The following ATXN1 variants were observed in gnomAD, a reference collection of about 807,000 sequenced individuals.
ATXN1 encodes ataxin-1.
A neutral mutation model predicts 56.4 loss-of-function variants in ATXN1; 8 were observed. The observed-to-expected ratio is 0.14, with a 90% CI of 0.08 to 0.26. The LOEUF (loss-of-function observed/expected upper bound fraction) is 0.26. Among genes scored for constraint, ATXN1 ranks in the 10% least tolerant of loss-of-function variants. The probability of loss-of-function intolerance (pLI) is 1.00; values close to 1 mark genes in which losing one functional copy is unlikely to be tolerated. For missense variants in ATXN1, 987 were observed against 1,106.5 expected (o/e 0.89, Z 1.53); for synonymous variants, 514 against 494.6 (o/e 1.04, Z -0.52).
chr6:16,558,832 C>T (rs1561754474), intron 4 of ATXN1, among the ~76,000 whole-genome samples: 1 of 151,536 alleles, frequency 6.6e-6, no homozygotes, highest in Non-Finnish European at 1.5e-5. Flanking sequence ...ATGAAGAAAA[C>T]ATAAAGTCAA....
At chr6:16,387,940 C>A (rs564935505) in intron 6 of ATXN1, among the ~76,000 whole-genome samples, 6 of 152,108 alleles carry the variant, frequency 3.9e-5, no homozygotes. Context: ...TTAAAACTCC[C>A]AATTGCATAA....
intron 3 of ATXN1, among the ~76,000 whole-genome samples, chr6:16,620,487 A>C (rs1322296793): frequency 6.6e-6 from 1 of 152,192 alleles, no homozygotes; most frequent in East Asian, 1.9e-4. Flanking sequence ...TCTCTCACAC[A>C]CACATACACA....
intron 2 of ATXN1, among the ~76,000 whole-genome samples, chr6:16,662,822 T>C (rs1433672350): frequency 1.3e-5 from 2 of 152,202 alleles, no homozygotes; most frequent in Non-Finnish European, 2.9e-5. Flanking sequence ...TATTAGAGAA[T>C]TTCCAGCACC....
chr6:16,699,761 G>A (rs1389908366), intron 2 of ATXN1, among the ~76,000 whole-genome samples: 8 of 151,950 alleles, frequency 5.3e-5, no homozygotes, highest in Admixed American at 6.5e-5. Flanking sequence ...TGTCAGACTC[G>A]CATGATTCTG....
chr6:16,652,417 C>G (rs1182747155), intron 3 of ATXN1, among the ~76,000 whole-genome samples: 1 of 152,188 alleles, frequency 6.6e-6, no homozygotes, highest in Non-Finnish European at 1.5e-5. Context: ...TAGACAAATG[C>G]TCTTTTAGAA....
chr6:16,701,123 C>T (rs371330931), intron 2 of ATXN1, among the ~76,000 whole-genome samples: 51 of 152,174 alleles, frequency 3.4e-4, no homozygotes, highest in African/African-American at 1.1e-3. Context: ...AAAACAAGTT[C>T]CTATTTGAAG....
chr6:16,621,960 T>A (rs1211885813), intron 3 of ATXN1, among the ~76,000 whole-genome samples: 3 of 152,166 alleles, frequency 2.0e-5, no homozygotes, highest in Non-Finnish European at 4.4e-5. Context: ...CCACCATTTT[T>A]AAAAATCTGT....
At chr6:16,617,207 T>C (rs537703078) in intron 3 of ATXN1, among the ~76,000 whole-genome samples, 2 of 152,220 alleles carry the variant, frequency 1.3e-5, no homozygotes, top group Admixed American at 6.5e-5. Flanking sequence ...ACTGCTCAGA[T>C]TCTATAAAAA....
intron 4 of ATXN1, among the ~76,000 whole-genome samples, chr6:16,566,764 GAGA>G (rs776975485): frequency 2.0e-5 from 3 of 152,090 alleles, no homozygotes; most frequent in Non-Finnish European, 4.4e-5. Flanking sequence ...GCTGAGGCAG[GAGA>G]ATCGCTTGAA....
chr6:16,560,214 C>T (rs578123050), intron 4 of ATXN1, among the ~76,000 whole-genome samples: 1 of 152,088 alleles, frequency 6.6e-6, no homozygotes, highest in African/African-American at 2.4e-5. Flanking sequence ...GTAAAAATGT[C>T]CTGACAGGAG....
At chr6:16,445,064 C>T (rs1407274722) in intron 6 of ATXN1, among the ~76,000 whole-genome samples, 4 of 151,884 alleles carry the variant, frequency 2.6e-5, no homozygotes, top group Admixed American at 6.6e-5. Flanking sequence ...TAGGTGATAC[C>T]GAGTAGTGTA....
chr6:16,308,274 C>T (rs1445086380), intron 7 of ATXN1, among the ~76,000 whole-genome samples: 1 of 150,146 alleles, frequency 6.7e-6, no homozygotes, highest in Non-Finnish European at 1.5e-5. Flanking sequence ...TGCAGTGAAC[C>T]GAGATCATGC....
chr6:16,306,106 C>G lies in ATXN1; in HGVS notation c.*223G>C. 2.1e-6 allele frequency: 1 copy of G among 471,290 alleles called. No individual in the cohort carries two copies. The highest frequency in any genetic ancestry group is 3.7e-6 in the Non-Finnish European group (1 of 270,186). The allele number at this position is 471,290 out of a possible 1,614,324, so 29.2% of individuals were successfully genotyped here. ...GGGATGCCTGGAGCCCTGACCGCTCCTGCTGTGCCCTTCCTCCCGCCCGCT... is the reference window on the plus strand; with the variant it reads ...GGGATGCCTGGAGCCCTGACCGCTCGTGCTGTGCCCTTCCTCCCGCCCGCT... On this transcript the variant is annotated 3_prime_UTR_variant, in exon 8 of 8. Coordinates refer to ENST00000436367, the MANE Select transcript of ATXN1 (RefSeq NM_001128164.2). This position sits in a 1 kb window ranked among gnomAD's most constrained non-coding sequence, Gnocchi z 5.2.
intron 2 of ATXN1, among the ~76,000 whole-genome samples, chr6:16,727,243 CA>C (rs1759870407): frequency 6.6e-6 from 1 of 152,016 alleles, no homozygotes; most frequent in South Asian, 2.1e-4. Flanking sequence ...AGTAAAACCA[CA>C]AAGCAAATAG....
At chr6:16,742,795 AG>A (rs1006167273) in intron 2 of ATXN1, among the ~76,000 whole-genome samples, 1 of 152,216 alleles carries the variant, frequency 6.6e-6, no homozygotes, top group Non-Finnish European at 1.5e-5. Flanking sequence ...CTTGACGAGC[AG>A]GGTTTGCAGA....
chr6:16,503,097 T>G (rs1176425271), intron 5 of ATXN1, among the ~76,000 whole-genome samples: 1 of 152,250 alleles, frequency 6.6e-6, no homozygotes, highest in Non-Finnish European at 1.5e-5. Flanking sequence ...GAACTCTGCC[T>G]TCAAACAAAA....
chr6:16,659,133 CAT>C (rs1758265311), intron 2 of ATXN1, among the ~76,000 whole-genome samples: 1 of 152,188 alleles, frequency 6.6e-6, no homozygotes, highest in Non-Finnish European at 1.5e-5. Context: ...AATGTTTAAA[CAT>C]GTGAGTTGAG....
At chr6:16,502,787 T>C (rs1001353013) in intron 5 of ATXN1, among the ~76,000 whole-genome samples, 11 of 152,352 alleles carry the variant, frequency 7.2e-5, no homozygotes, top group African/African-American at 2.6e-4. Flanking sequence ...TTTATATTTC[T>C]ACAAATTCCT....
chr6:16,450,217 A>T (rs1043850783), intron 6 of ATXN1, among the ~76,000 whole-genome samples: 1 of 152,228 alleles, frequency 6.6e-6, no homozygotes, highest in Admixed American at 6.5e-5. Flanking sequence ...AGTTTACAAA[A>T]ACCGGTCCTT....
Sources: gnomAD v4.1 joint callset for allele counts (sites outside exome capture counted in the v4.1 genomes callset) on GRCh38, gnomAD v4.1.1 for gene constraint, Gnocchi (gnomAD v3.1) non-coding constraint, MANE v1.5 for transcripts, NCBI Gene and HGNC (gene_info 2026-07-23, HGNC 2026-07-21) for gene names.